PCDH9: variants seen among roughly 807,000 people sequenced by gnomAD.
PCDH9 encodes the protein protocadherin 9, also known as protocadherin-9.
In PCDH9, 24 loss-of-function variants were observed where a neutral mutation model predicts 70.6. That is an observed-to-expected ratio of 0.34 (90% CI 0.25 to 0.48). The LOEUF is 0.48. PCDH9 is among the 20% of genes least tolerant of loss of function. The probability of loss-of-function intolerance (pLI) is 0.99; values close to 1 mark genes in which losing one functional copy is unlikely to be tolerated. For missense variants in PCDH9, 1,281 were observed against 1,503.6 expected, an observed-to-expected ratio of 0.85 and a Z score of 2.45; for synonymous variants, 562 against 558.5, an observed-to-expected ratio of 1.01 and a Z score of -0.09.
chr13:66,844,982 G>A (rs929250083), intron 3 of PCDH9, among the ~76,000 whole-genome samples: 3 of 152,068 alleles, frequency 2.0e-5, no homozygotes, highest in Non-Finnish European at 4.4e-5. Flanking sequence ...TGCTTGTCTG[G>A]ATGAGTCTGG....
At chr13:66,778,595 C>T (rs1300435882) in intron 3 of PCDH9, among the ~76,000 whole-genome samples, 1 of 152,166 alleles carries the variant, frequency 6.6e-6, no homozygotes, top group Admixed American at 6.5e-5. Flanking sequence ...TTTGAAATTA[C>T]ACAAGAATTA....
intron 3 of PCDH9, among the ~76,000 whole-genome samples, chr13:66,679,493 A>G (rs150452336): frequency 1.8e-4 from 28 of 152,074 alleles, no homozygotes; most frequent in African/African-American, 6.7e-4. Context: ...GCTAAAGATT[A>G]CACTATCTTT....
intron 3 of PCDH9, among the ~76,000 whole-genome samples, chr13:66,888,542 C>A (rs2082045616): frequency 6.8e-6 from 1 of 146,034 alleles, no homozygotes. Context: ...CAGCCTGTCC[C>A]CAAAAAAAAT....
chr13:66,764,251 G>GA lies in PCDH9; in HGVS notation c.3139-132841dup, dbSNP rs5804295. On this transcript the variant is annotated intron_variant, in intron 3 of 4. Coordinates refer to ENST00000377865, the MANE Select transcript of PCDH9 (RefSeq NM_203487.3). ...ACACATACATTTCCATGTATGCACT[G>GA]AAAAAAAAAAAAACCGAAAACTTTA... 7.8e-3 allele frequency among the ~76,000 whole-genome samples: 1,101 copies of GA among 141,358 alleles called. 16 individuals carry two copies. The highest frequency in any genetic ancestry group is 0.019 in the Admixed American group (272 of 14,204). 92.7% of individuals were successfully genotyped at this position (141,358 alleles called of 152,430 possible).
At chr13:67,088,344 C>A (rs2086151178) in intron 2 of PCDH9, among the ~76,000 whole-genome samples, 1 of 151,992 alleles carries the variant, frequency 6.6e-6, no homozygotes, top group Non-Finnish European at 1.5e-5. Context: ...AGACCGCAGG[C>A]CATACATTCA....
At chr13:66,614,064 C>CAATT (rs35871496) in intron 4 of PCDH9, among the ~76,000 whole-genome samples, 142,045 of 152,010 alleles carry the variant, frequency 0.93, 67,161 homozygotes, top group East Asian at 1. Flanking sequence ...ACTTAGCACA[C>CAATT]AAAGCAACCT....
rs144658858 is a variant in PCDH9 at position 67,038,167 on chromosome 13, A to G, written c.3037-134562T>C. On this transcript the variant is annotated intron_variant, in intron 2 of 4. Transcript: ENST00000377865. Reference sequence around the variant, plus strand: ...CAGTTCATAAGTAAAAGATGAAAACAGCTGTTCGACTAGAGACAGAAATCA... The same window carrying G: ...CAGTTCATAAGTAAAAGATGAAAACGGCTGTTCGACTAGAGACAGAAATCA... Among the ~76,000 whole-genome samples, 111 of 152,336 alleles carry G rather than the reference A, an allele frequency of 7.3e-4. 2 individuals are homozygous for G. The highest frequency in any genetic ancestry group is 2.7e-3 in the African/African-American group (111 of 41,578).
intron 2 of PCDH9, among the ~76,000 whole-genome samples, chr13:67,069,172 C>A (rs908595738): frequency 1.3e-5 from 2 of 152,230 alleles, no homozygotes; most frequent in East Asian, 1.9e-4. Context: ...TTTCATAAAA[C>A]TTTATCATAT....
intron 2 of PCDH9, among the ~76,000 whole-genome samples, chr13:67,122,361 A>G (rs1204333744): frequency 1.3e-5 from 2 of 152,174 alleles, no homozygotes; most frequent in African/African-American, 2.4e-5. Flanking sequence ...TAAAAAGAGT[A>G]TAACATGCTC....
intron 2 of PCDH9, among the ~76,000 whole-genome samples, chr13:67,094,468 A>G (rs1432663930): frequency 6.6e-6 from 1 of 152,202 alleles, no homozygotes; most frequent in Admixed American, 6.6e-5. Context: ...TCTGCTGTCA[A>G]TATTTTGTAG....
intron 3 of PCDH9, among the ~76,000 whole-genome samples, chr13:66,682,315 A>C (rs1346262183): frequency 1.3e-5 from 2 of 152,016 alleles, no homozygotes; most frequent in African/African-American, 4.8e-5. Context: ...CTCCTTTATG[A>C]ATGCGTGACC....
At chr13:66,833,267 G>A (rs1032623249) in intron 3 of PCDH9, among the ~76,000 whole-genome samples, 2 of 151,958 alleles carry the variant, frequency 1.3e-5, no homozygotes, top group African/African-American at 2.4e-5. Context: ...CTAACAAAAC[G>A]GGACTGAATC....
In PCDH9 at chr13:66,427,337, T is replaced by G. The variant is rs1021034495; in HGVS notation, c.3341-122309A>C. Among the ~76,000 whole-genome samples the G allele has an allele frequency of 3.3e-5, 5 of 151,870 alleles. No homozygotes were observed. The East Asian group carries it at 9.6e-4, about 29-fold the overall frequency. On this transcript the variant is annotated intron_variant, in intron 4 of 4. Coordinates refer to ENST00000377865, the MANE Select transcript of PCDH9 (RefSeq NM_203487.3). ...TTCATTGACAAAACAAGCAGAAACTTATTTAATTATTTGACTTATTAATAG... is the reference window on the plus strand; with the variant it reads ...TTCATTGACAAAACAAGCAGAAACTGATTTAATTATTTGACTTATTAATAG...
intron 3 of PCDH9, among the ~76,000 whole-genome samples, chr13:66,783,430 A>T (rs2080031315): frequency 6.6e-6 from 1 of 152,054 alleles, no homozygotes; most frequent in African/African-American, 2.4e-5. Flanking sequence ...TCATACTTTA[A>T]CCCAAAGTAT....
At chr13:66,750,928 A>G (rs2079447605) in intron 3 of PCDH9, among the ~76,000 whole-genome samples, 1 of 152,156 alleles carries the variant, frequency 6.6e-6, no homozygotes, top group South Asian at 2.1e-4. Context: ...CATTTTTGTA[A>G]GACTTAGTGA....
chr13:66,912,926 T>C (rs2082493193), intron 2 of PCDH9, among the ~76,000 whole-genome samples: 1 of 152,090 alleles, frequency 6.6e-6, no homozygotes, highest in East Asian at 1.9e-4. Context: ...TTGGTTATAT[T>C]TCTTTGTATT....
intron 2 of PCDH9, among the ~76,000 whole-genome samples, chr13:67,122,138 A>G (rs2086888860): frequency 6.6e-6 from 1 of 152,178 alleles, no homozygotes; most frequent in Non-Finnish European, 1.5e-5. Context: ...TATGGCACTT[A>G]ATTGTAAGCT....
At chr13:66,464,329 G>A (rs1341245062) in intron 4 of PCDH9, among the ~76,000 whole-genome samples, 2 of 151,624 alleles carry the variant, frequency 1.3e-5, no homozygotes, top group Non-Finnish European at 2.9e-5. Context: ...ACCAGAAAAC[G>A]GAAGGCTTCA....
intron 2 of PCDH9, among the ~76,000 whole-genome samples, chr13:67,080,783 A>G (rs1350550279): frequency 6.6e-6 from 1 of 152,224 alleles, no homozygotes; most frequent in Non-Finnish European, 1.5e-5. Flanking sequence ...AATACAACCA[A>G]TGCTCAGAGT....
Sources: gnomAD v4.1 joint callset for allele counts (sites outside exome capture counted in the v4.1 genomes callset) on GRCh38, gnomAD v4.1.1 for gene constraint, MANE v1.5 for transcripts, NCBI Gene and HGNC (gene_info 2026-07-23, HGNC 2026-07-21) for gene names.